IGF2R: variants seen among roughly 807,000 people sequenced by gnomAD.
IGF2R encodes cation-independent mannose-6-phosphate receptor.
Under a neutral mutation model 270.6 loss-of-function variants are expected in IGF2R, and 91 were observed. The ratio of observed to expected loss-of-function variants is 0.34; its 90% CI spans 0.28 to 0.40. The LOEUF (loss-of-function observed/expected upper bound fraction) is 0.40, where lower values mean the gene tolerates loss of function less well. Among genes scored for constraint, IGF2R ranks in the 10% least tolerant of loss-of-function variants. IGF2R has a pLI of 1.00. For synonymous variants in IGF2R, 1,316 were observed against 1,258.9 expected (o/e 1.05, Z -0.96); for missense variants, 2,805 against 3,188.3 (o/e 0.88, Z 2.90).
intron 2 of IGF2R, among the ~76,000 whole-genome samples, chr6:159,993,382 C>T (rs376532586): frequency 1.3e-5 from 2 of 152,036 alleles, no homozygotes; most frequent in South Asian, 4.1e-4. Context: ...ACATTTAAGT[C>T]TCCAACTTTT....
intron 23 of IGF2R, 147 bp from the exon 24 acceptor site, chr6:160,061,356 G>C: frequency 1.3e-6 from 1 of 755,724 alleles, no homozygotes; most frequent in Non-Finnish European, 2.2e-6. Flanking sequence ...TGTAGGCAAA[G>C]CCTCTCAGCC....
chr6:160,100,669 CACTT>C (rs953775616), intron 45 of IGF2R, among the ~76,000 whole-genome samples: 6 of 135,504 alleles, frequency 4.4e-5, no homozygotes, highest in African/African-American at 1.6e-4. Flanking sequence ...TTACATCAAA[CACTT>C]AGAAAACTTT....
At chr6:159,999,500 C>G (rs1784098247) in intron 2 of IGF2R, among the ~76,000 whole-genome samples, 1 of 152,136 alleles carries the variant, frequency 6.6e-6, no homozygotes, top group Non-Finnish European at 1.5e-5. Flanking sequence ...GGGGTCACAT[C>G]AGACAGATTG....
rs143081256 is a variant in IGF2R, at chr6:159,991,218, G to A, written c.184G>A (p.Val62Ile). 1 of 1,612,180 alleles carries A rather than the reference G, an allele frequency of 6.2e-7. No individual in the cohort carries two copies. The highest frequency in any genetic ancestry group is 8.5e-7 in the Non-Finnish European group (1 of 1,179,028). Residue 62 changes from valine to isoleucine, a missense_variant, in exon 2 of 48, where the codon GTA becomes ATA. Val to Ile is a conservative substitution (Grantham distance 29). Around this residue, in one of 2 missense-constraint regions of IGF2R, gnomAD observed 954 missense variants for 981.1 expected, o/e 0.97. Coordinates refer to ENST00000356956, the MANE Select transcript of IGF2R (RefSeq NM_000876.4). The stretch of plus-strand genomic sequence containing the variant: ...GGAAGCTGTTGATACCAAAAATAAT[G>A]TACTTTATAAAATCAACATCTGTGG... ...TWEAVDTKNNVLYKINICGSV... is the reference protein window; with the variant it reads ...TWEAVDTKNNILYKINICGSV...
At chr6:160,029,436 T>G (rs1278652408) in intron 6 of IGF2R, 114 bp from the exon 7 acceptor site, 14 of 615,204 alleles carry the variant, frequency 2.3e-5, no homozygotes, top group Non-Finnish European at 3.8e-5. Flanking sequence ...TTAATATTTC[T>G]TCTGTTACCC....
chr6:160,008,469 C>T (rs749725480), intron 2 of IGF2R, among the ~76,000 whole-genome samples: 4 of 152,132 alleles, frequency 2.6e-5, no homozygotes, highest in Non-Finnish European at 5.9e-5. Context: ...ACTTTTTATT[C>T]TGGACTGTTA....
chr6:160,054,681 T>TA (rs1778272620), intron 19 of IGF2R, among the ~76,000 whole-genome samples: 1 of 152,226 alleles, frequency 6.6e-6, no homozygotes, highest in African/African-American at 2.4e-5. Flanking sequence ...TCCCCTTGGC[T>TA]AAGAGTGGGG....
intron 2 of IGF2R, among the ~76,000 whole-genome samples, chr6:160,000,565 A>G (rs894646242): frequency 2.0e-5 from 3 of 152,120 alleles, no homozygotes; most frequent in Non-Finnish European, 4.4e-5. Context: ...AATCAGAGCA[A>G]TTATGAGATC....
intron 1 of IGF2R, among the ~76,000 whole-genome samples, chr6:159,975,701 T>A (rs985646255): frequency 8.2e-5 from 12 of 146,648 alleles, no homozygotes; most frequent in Middle Eastern, 3.3e-3. Flanking sequence ...TATATATATA[T>A]AAAGTATATG....
At chr6:160,087,677 T>G (rs1456362578) in intron 41 of IGF2R, among the ~76,000 whole-genome samples, 1 of 152,180 alleles carries the variant, frequency 6.6e-6, no homozygotes, top group East Asian at 1.9e-4. Context: ...TGTTTTTTGT[T>G]TTTGTTTTTG....
intron 3 of IGF2R, among the ~76,000 whole-genome samples, chr6:160,009,568 C>T (rs8191730): frequency 8.5e-4 from 129 of 152,100 alleles, no homozygotes; most frequent in African/African-American, 2.6e-3. Flanking sequence ...AGCCTTGGCC[C>T]GTGGGTATGG....
At position 160,106,507 on chromosome 6, in the gene IGF2R, G is replaced by A. The variant is rs1298051069; in HGVS notation, c.*1423G>A. On this transcript the variant is annotated 3_prime_UTR_variant, in exon 48 of 48. Transcript: ENST00000356956. ...CATTTTTTTTTCAATCAACTTTACT[G>A]TAATATAAAGTATTCAACAATTTCA... 1.3e-5 allele frequency: 2 copies of A among 151,994 alleles called. No homozygotes were observed. Among genetic ancestry groups the A allele is most frequent in the Non-Finnish European group, 2.9e-5 (2 of 67,974 alleles). The allele number at this position is 151,994 out of a possible 1,614,324, so 9.4% of individuals were successfully genotyped here.
chr6:160,059,077 A>G lies in IGF2R; in HGVS notation c.3070A>G (p.Lys1024Glu). The G allele has an allele frequency of 1.9e-6, 3 of 1,614,096 alleles. No homozygotes were observed. The highest frequency in any genetic ancestry group is 2.5e-6 in the Non-Finnish European group (3 of 1,180,012). The change falls in exon 22 of 48, where the codon AAA becomes GAA. Residue 1024 changes from lysine to glutamate, a missense_variant. By Grantham distance (56) the Lys-to-Glu change is moderately conservative (BLOSUM62 1). Coordinates refer to ENST00000356956, the MANE Select transcript of IGF2R (RefSeq NM_000876.4). ...STEGFITLTY[K>E]GPLSAKGTAD... ...AGAGGGCTTCATCACTCTGACCTAC[A>G]AAGGGCCTCTCTCTGCCAAAGGTGA...
intron 36 of IGF2R, 132 bp downstream of exon 36, chr6:160,076,128 T>A: frequency 1.2e-6 from 1 of 838,822 alleles, no homozygotes; most frequent in Non-Finnish European, 1.9e-6. Flanking sequence ...GATGGTACGC[T>A]AGTAGTGTGT....
intron 1 of IGF2R, among the ~76,000 whole-genome samples, chr6:159,974,639 A>G (rs773370147): frequency 6.6e-6 from 1 of 152,174 alleles, no homozygotes; most frequent in Non-Finnish European, 1.5e-5. Flanking sequence ...TTGGAGGGCT[A>G]TCCTGGGCAT....
At chr6:159,985,771 G>C (rs1783872108) in intron 1 of IGF2R, among the ~76,000 whole-genome samples, 1 of 152,240 alleles carries the variant, frequency 6.6e-6, no homozygotes, top group African/African-American at 2.4e-5. Context: ...CCAGCTGTCA[G>C]GCTGGCCTTT....
At chr6:159,970,923 T>C (rs1272756061) in intron 1 of IGF2R, among the ~76,000 whole-genome samples, 3 of 150,994 alleles carry the variant, frequency 2.0e-5, no homozygotes, top group Non-Finnish European at 4.4e-5. Context: ...ACAAAAAATA[T>C]GAAAATTAGA....
Position 160,058,130 on chromosome 6 carries a change from A to G in IGF2R, c.2898+6A>G, listed in dbSNP as rs764081335. The G allele has an allele frequency of 1.9e-6, 3 of 1,572,092 alleles. No individual in the cohort carries two copies. Among genetic ancestry groups the G allele is most frequent in the South Asian group, 2.2e-5 (2 of 90,200 alleles). ...GCATTGGGAAGATTTTTATGGTAAGAGCGATATGATGCATTTCCAGTTTGC... is the reference window on the plus strand; with the variant it reads ...GCATTGGGAAGATTTTTATGGTAAGGGCGATATGATGCATTTCCAGTTTGC... On this transcript the variant is annotated splice_donor_region_variant and intron_variant, in intron 21 of 47. Transcript: ENST00000356956.
chr6:159,980,370 C>G lies in IGF2R; in HGVS notation c.150-10814C>G, dbSNP rs182559706. Among the ~76,000 whole-genome samples the G allele has an allele frequency of 8.7e-4, 133 of 152,212 alleles. 2 individuals carry two copies. The highest frequency in any genetic ancestry group is 3.4e-3 in the Middle Eastern group (1 of 294). On this transcript the variant is annotated intron_variant, in intron 1 of 47. Transcript: ENST00000356956. ...TAGGCTGCGATGGAGATAGCATGAGCTCTGGAGCAGGACAGGCTTCTTTCT... is the reference window on the plus strand; with the variant it reads ...TAGGCTGCGATGGAGATAGCATGAGGTCTGGAGCAGGACAGGCTTCTTTCT...
Sources: gnomAD v4.1 joint callset for allele counts (sites outside exome capture counted in the v4.1 genomes callset) on GRCh38, gnomAD v4.1.1 for gene constraint, gnomAD v4.1.1 regional missense constraint, MANE v1.5 for transcripts, NCBI Gene and HGNC (gene_info 2026-07-23, HGNC 2026-07-21) for gene names.